PLXNA4: variants seen among roughly 807,000 people sequenced by gnomAD.
The protein encoded by PLXNA4 is plexin-A4.
PLXNA4 carries 44 observed loss-of-function variants against 191.8 expected under a neutral mutation model. The ratio of observed to expected loss-of-function variants is 0.23; its 90% CI spans 0.18 to 0.29. The LOEUF is 0.29. Among genes scored for constraint, PLXNA4 ranks in the 10% least tolerant of loss-of-function variants. The pLI is 1.00. For synonymous variants in PLXNA4, 1,082 were observed against 1,009.5 expected (o/e 1.07, Z -1.36); for missense variants, 1,800 against 2,488.8 (o/e 0.72, Z 5.89).
At chr7:132,406,813 AG>A (rs1245215349) in intron 3 of PLXNA4, among the ~76,000 whole-genome samples, 1 of 152,150 alleles carries the variant, frequency 6.6e-6, no homozygotes, top group Non-Finnish European at 1.5e-5. Context: ...GAAGGTAAGA[AG>A]GGCCAAGTTC....
intron 2 of PLXNA4, among the ~76,000 whole-genome samples, chr7:132,611,956 T>A (rs1232519172): frequency 6.6e-6 from 1 of 152,208 alleles, no homozygotes; most frequent in East Asian, 1.9e-4. Context: ...GACTTTGTGT[T>A]CTGCCATCTT....
At chr7:132,178,748 TACACACAC>T (rs55690930) in intron 20 of PLXNA4, among the ~76,000 whole-genome samples, 4 of 103,236 alleles carry the variant, frequency 3.9e-5, no homozygotes, top group Admixed American at 8.8e-5. Flanking sequence ...ATGAAACACA[TACACACAC>T]ACACACACAC....
chr7:132,168,580 G>A lies in PLXNA4; in HGVS notation c.4018-8C>T, dbSNP rs1454785973. ...CTGCCGGTAGCCCGGGACCTGCAGA[G>A]AGACCTAGGAGTCGTGATGCCATTG... On this transcript the variant is annotated splice_polypyrimidine_tract_variant and splice_region_variant and intron_variant, in intron 21 of 31. Coordinates refer to ENST00000321063, the MANE Select transcript of PLXNA4 (RefSeq NM_020911.2). 1 of 1,559,610 alleles carries A rather than the reference G, an allele frequency of 6.4e-7. No individual in the cohort carries two copies.
intron 3 of PLXNA4, among the ~76,000 whole-genome samples, chr7:132,408,498 C>CTGTCA (rs1256016481): frequency 2.1e-5 from 3 of 143,226 alleles, no homozygotes; most frequent in African/African-American, 8.8e-5. Flanking sequence ...GAGTCTCACT[C>CTGTCA]TGTCACCCAG....
At chr7:132,469,249 A>G (rs1454083493) in intron 3 of PLXNA4, among the ~76,000 whole-genome samples, 1 of 152,202 alleles carries the variant, frequency 6.6e-6, no homozygotes, top group Non-Finnish European at 1.5e-5. Flanking sequence ...CTGTGGATGA[A>G]GAAATGCCTT....
Position 132,238,537 on chromosome 7 carries a change from C to CCAG in PLXNA4, c.1604+2526_1604+2528dup, listed in dbSNP as rs550912118. Among the ~76,000 whole-genome samples, 1,431 of 152,198 alleles carry CCAG rather than the reference C, an allele frequency of 9.4e-3. 12 individuals carry two copies. The highest frequency in any genetic ancestry group is 0.017 in the Middle Eastern group (5 of 294). On this transcript the variant is annotated intron_variant, in intron 5 of 31. Transcript: ENST00000321063. ...CTGTGGCTCCTTGAGCAACGAGGTG[C>CCAG]CAGCAGCAGCAGCAGACAATGATGA... is the stretch of plus-strand genomic sequence containing the variant.
rs752916288 is a variant in PLXNA4 at position 132,227,552 on chromosome 7, G to T, written c.1781C>A (p.Thr594Asn). ...VPELSAGVNCTFEDLSEMDGL... is the reference protein window; with the variant it reads ...VPELSAGVNCNFEDLSEMDGL... ...ATCCATCTCTGACAGGTCCTCAAAG[G>T]TGCAGTTGACGCCAGCTGACAGCTC... The change falls in exon 7 of 32, where the codon ACC (threonine) becomes AAC (asparagine). Residue 594 changes from threonine (T) to asparagine (N), a missense_variant. Physicochemically the swap from Thr to Asn is moderately conservative, Grantham distance 65. Coordinates refer to ENST00000321063, the MANE Select transcript of PLXNA4 (RefSeq NM_020911.2). The T allele has an allele frequency of 6.2e-7, 1 of 1,614,182 alleles. No homozygotes were observed. Among genetic ancestry groups the T allele is most frequent in the South Asian group, 1.1e-5 (1 of 91,078 alleles).
intron 1 of PLXNA4, among the ~76,000 whole-genome samples, chr7:132,530,628 T>A (rs1249180479): frequency 6.6e-6 from 1 of 152,244 alleles, no homozygotes; most frequent in Non-Finnish European, 1.5e-5. Flanking sequence ...AACTCTTGGA[T>A]ACTGCTGGTG....
In PLXNA4 at chr7:132,198,588, G is replaced by T. The variant is rs200842176; in HGVS notation, c.2635C>A (p.Arg879=). ...AATTCCAGGCCCAGGTTCTCCCCTC[G>T]GATAGTGACCTTGGTGCCCCCTTCC... ...PREGGTKVTI[R]GENLGLEFRD... is the part of the protein sequence containing the mutation. The change falls in exon 13 of 32, where the codon CGA becomes AGA. Residue 879 remains arginine, a synonymous_variant. Transcript: ENST00000321063. 107 of 1,614,236 alleles carry T rather than the reference G, an allele frequency of 6.6e-5. No individual in the cohort carries two copies. In the African/African-American group the frequency reaches 1.4e-3, roughly 21 times the overall value.
chr7:132,180,081 G>T (rs1259024713), intron 19 of PLXNA4, among the ~76,000 whole-genome samples, 160 bp from the exon 20 acceptor site: 1 of 152,112 alleles, frequency 6.6e-6, no homozygotes, highest in Non-Finnish European at 1.5e-5. Context: ...CTGGGAGCGG[G>T]GACAGGCACA....
intron 1 of PLXNA4, among the ~76,000 whole-genome samples, chr7:132,526,626 G>T (rs1242968264): frequency 1.3e-5 from 2 of 152,318 alleles, no homozygotes; most frequent in South Asian, 2.1e-4. Flanking sequence ...TGGCGCCCCT[G>T]TTGGGGCTGC....
intron 20 of PLXNA4, among the ~76,000 whole-genome samples, chr7:132,176,149 T>G (rs1658184703): frequency 6.6e-6 from 1 of 152,194 alleles, no homozygotes; most frequent in African/African-American, 2.4e-5. Flanking sequence ...TTTGGCTTTC[T>G]GTGCCAGGAG....
At chr7:132,431,537 G>T (rs111289547) in intron 3 of PLXNA4, among the ~76,000 whole-genome samples, 1,902 of 152,310 alleles carry the variant, frequency 0.012, 24 homozygotes, top group Middle Eastern at 0.037. Context: ...GGGGGAAGAC[G>T]TGACTCAGAA....
At position 132,124,191 on chromosome 7, in the gene PLXNA4, A is replaced by C. The variant is rs1472091289; in HGVS notation, c.*6288T>G. The stretch of plus-strand genomic sequence containing the variant: ...GGGAGGGCTGTCCATTCTAAAACAC[A>C]AAATCGTTGGTTTCCGAATGGAAAC... On this transcript the variant is annotated 3_prime_UTR_variant, in exon 32 of 32. Coordinates refer to ENST00000321063, the MANE Select transcript of PLXNA4 (RefSeq NM_020911.2). 1 of 152,210 alleles carries C rather than the reference A, an allele frequency of 6.6e-6. No individual in the cohort carries two copies. Among genetic ancestry groups the C allele is most frequent in the East Asian group, 1.9e-4 (1 of 5,190 alleles). 9.4% of individuals were successfully genotyped at this position (152,210 alleles called of 1,614,324 possible). A position where few individuals can be genotyped will look rare whatever the true frequency, so the allele number is the denominator to read the frequency against.
At chr7:132,577,636 G>T (rs1308116912), upstream of PLXNA4, among the ~76,000 whole-genome samples, 1 of 152,136 alleles carries the variant, frequency 6.6e-6, no homozygotes. Flanking sequence ...CCCTCGGCCC[G>T]CACGGAGCTA....
At chr7:132,147,755 C>T (rs1323695030) in intron 27 of PLXNA4, 145 bp downstream of exon 27, 2 of 1,047,856 alleles carry the variant, frequency 1.9e-6, no homozygotes, top group South Asian at 3.3e-5. Flanking sequence ...CCTCTTCCCC[C>T]ACCTGGCTCT....
chr7:132,442,816 C>G (rs143640006), intron 3 of PLXNA4, among the ~76,000 whole-genome samples: 214 of 152,312 alleles, frequency 1.4e-3, no homozygotes, highest in African/African-American at 5.0e-3. Context: ...TCTGTCTCTG[C>G]GATTTACCTT....
intron 25 of PLXNA4, among the ~76,000 whole-genome samples, chr7:132,155,927 T>C (rs1033252889): frequency 6.6e-6 from 1 of 152,142 alleles, no homozygotes; most frequent in African/African-American, 2.4e-5. Context: ...ATCCAATCAG[T>C]TGAAGTCCTG....
chr7:132,625,426 C>A (rs1162056964), intron 2 of PLXNA4, among the ~76,000 whole-genome samples: 2 of 152,188 alleles, frequency 1.3e-5, no homozygotes, highest in African/African-American at 4.8e-5. Flanking sequence ...CTGGTTAATT[C>A]TGCAATATTT....
Sources: allele counts gnomAD v4.1 joint callset (sites outside exome capture counted in the v4.1 genomes callset), GRCh38; gene constraint gnomAD v4.1.1; transcripts MANE v1.5; gene names NCBI Gene and HGNC (gene_info 2026-07-23, HGNC 2026-07-21).